Variants in SLX4IP observed in about 807,000 individuals in gnomAD.
SLX4IP encodes protein SLX4IP.
SLX4IP carries 34 observed loss-of-function variants against 32.9 expected under a neutral mutation model. The ratio of observed to expected loss-of-function variants is 1.03; its 90% CI spans 0.79 to 1.38. The LOEUF (loss-of-function observed/expected upper bound fraction) is 1.38. Ranked by LOEUF, SLX4IP falls within the 40% of genes most tolerant of loss-of-function variation. The probability of loss-of-function intolerance (pLI) is 0.00; values close to 1 mark genes in which losing one functional copy is unlikely to be tolerated. For missense variants in SLX4IP, 444 were observed against 479.0 expected, an observed-to-expected ratio of 0.93 and a Z score of 0.68; for synonymous variants, 172 against 171.7, an observed-to-expected ratio of 1.00 and a Z score of -0.01.
chr20:10,474,967 A>C (rs932881576), intron 2 of SLX4IP, among the ~76,000 whole-genome samples: 2 of 152,210 alleles, frequency 1.3e-5, no homozygotes, highest in African/African-American at 4.8e-5. Flanking sequence ...CCTGGTCCTC[A>C]GACTTGAGTA....
chr20:10,458,097 A>C (rs1233888503), intron 1 of SLX4IP, 79 bp from the exon 2 acceptor site: 1 of 843,690 alleles, frequency 1.2e-6, no homozygotes, highest in Non-Finnish European at 1.8e-6. Flanking sequence ...TTTACTATTC[A>C]GCCCATCTTT....
chr20:10,462,281 G>A (rs1278638684), intron 2 of SLX4IP, among the ~76,000 whole-genome samples: 1 of 152,142 alleles, frequency 6.6e-6, no homozygotes, highest in African/African-American at 2.4e-5. Context: ...AAGAAATAAT[G>A]CAATACAATT....
intron 3 of SLX4IP, among the ~76,000 whole-genome samples, chr20:10,557,187 T>C (rs1279124912): frequency 1.3e-5 from 2 of 152,208 alleles, no homozygotes. Context: ...AAGAAACTAT[T>C]GACAGTGGTG....
intron 1 of SLX4IP, among the ~76,000 whole-genome samples, chr20:10,444,402 G>C (rs1488871892): frequency 1.3e-5 from 2 of 151,932 alleles, no homozygotes; most frequent in Non-Finnish European, 2.9e-5. Context: ...TTTTGAGCTG[G>C]AGTCTCGCTC....
At chr20:10,540,095 CT>C (rs376897837) in intron 2 of SLX4IP, among the ~76,000 whole-genome samples, 17,101 of 75,374 alleles carry the variant, frequency 0.23, 1,183 homozygotes, top group South Asian at 0.45. Context: ...TCCTTCCTTC[CT>C]TTCCTTCCTT....
At chr20:10,437,149 A>G (rs555335826) in intron 1 of SLX4IP, among the ~76,000 whole-genome samples, 118 of 152,034 alleles carry the variant, frequency 7.8e-4, no homozygotes, top group African/African-American at 2.7e-3. Context: ...TTTTTGAGAC[A>G]GGGTATAACC....
chr20:10,575,485 G>T lies in SLX4IP; in HGVS notation c.238+14665G>T, dbSNP rs547692067. 4.6e-5 allele frequency among the ~76,000 whole-genome samples: 7 copies of T among 152,226 alleles called. No individual in the cohort carries two copies. In the South Asian group the frequency reaches 1.5e-3, roughly 32 times the overall value. Reference sequence around the variant, plus strand: ...TTGACACATTCCAGGTGAAGTCTTAGAAGGCAGCAACTTCTCCTGTGTTTG... The same window carrying T: ...TTGACACATTCCAGGTGAAGTCTTATAAGGCAGCAACTTCTCCTGTGTTTG... On this transcript the variant is annotated intron_variant, in intron 4 of 7. Transcript: ENST00000334534.
chr20:10,444,442 A>G (rs558583214), intron 1 of SLX4IP, among the ~76,000 whole-genome samples: 2 of 151,884 alleles, frequency 1.3e-5, no homozygotes, highest in Non-Finnish European at 2.9e-5. Context: ...CAGTGGCACA[A>G]TCTCAGCTCA....
intron 1 of SLX4IP, among the ~76,000 whole-genome samples, chr20:10,451,738 G>A (rs1278510996): frequency 6.6e-6 from 1 of 152,098 alleles, no homozygotes; most frequent in Non-Finnish European, 1.5e-5. Flanking sequence ...GGAGGCCGAG[G>A]CGGGTGAATC....
In SLX4IP at chr20:10,591,842, A is replaced by C. The variant is rs1600136847; in HGVS notation, c.239-6833A>C. ...AAGAAATCTGAAGTGATCATTTCTC[A>C]ATTTGTTTTATTCTAATTTTTGTCT... On this transcript the variant is annotated intron_variant, in intron 4 of 7. Coordinates refer to ENST00000334534, the MANE Select transcript of SLX4IP (RefSeq NM_001009608.3). Among the ~76,000 whole-genome samples the C allele has an allele frequency of 3.3e-5, 5 of 152,290 alleles. No homozygotes were observed. The South Asian group carries it at 1.0e-3, about 32-fold the overall frequency.
rs2066268263 is a variant in SLX4IP, at chr20:10,556,449, GTATTCCC to G, written c.117+130_117+136del. 6 of 934,246 alleles carry G rather than the reference GTATTCCC, an allele frequency of 6.4e-6. No individual in the cohort carries two copies. In the South Asian group the frequency reaches 9.3e-5, roughly 14 times the overall value. 57.9% of individuals were successfully genotyped at this position (934,246 alleles called of 1,614,324 possible). Reference sequence around the variant, plus strand: ...CGTATTTAATCCTTGAAAAACAATTGTATTCCCAATGACAGACACATATGCACCCACT... The same window carrying G: ...CGTATTTAATCCTTGAAAAACAATTGAATGACAGACACATATGCACCCACT... On this transcript the variant is annotated intron_variant, in intron 3 of 7. Transcript: ENST00000334534.
chr20:10,594,228 GATA>G (rs1489086712), intron 4 of SLX4IP, among the ~76,000 whole-genome samples: 1 of 152,238 alleles, frequency 6.6e-6, no homozygotes, highest in Non-Finnish European at 1.5e-5. Flanking sequence ...TGTGAGTGAT[GATA>G]ATAATGGAGT....
intron 2 of SLX4IP, among the ~76,000 whole-genome samples, chr20:10,546,563 T>C (rs2122485247): frequency 6.6e-6 from 1 of 152,298 alleles, no homozygotes; most frequent in Non-Finnish European, 1.5e-5. Flanking sequence ...AAGCAGCCAA[T>C]ATTTCTTCCT....
At chr20:10,449,822 A>G (rs1411271333) in intron 1 of SLX4IP, among the ~76,000 whole-genome samples, 1 of 152,210 alleles carries the variant, frequency 6.6e-6, no homozygotes, top group Admixed American at 6.5e-5. Flanking sequence ...ATTATTTTAT[A>G]TAAAAAATAC....
intron 4 of SLX4IP, 25 bp downstream of exon 4, chr20:10,560,845 G>A: frequency 6.5e-7 from 1 of 1,539,148 alleles, no homozygotes; most frequent in Non-Finnish European, 8.7e-7. Flanking sequence ...CTTTGATTTT[G>A]GACAAAAAAT....
At chr20:10,554,855 AT>A (rs1364092909) in intron 2 of SLX4IP, among the ~76,000 whole-genome samples, 9 of 151,976 alleles carry the variant, frequency 5.9e-5, no homozygotes, top group African/African-American at 2.2e-4. Context: ...AGATACATGT[AT>A]TTTTGAATAC....
intron 4 of SLX4IP, among the ~76,000 whole-genome samples, chr20:10,580,238 A>T (rs1476074249): frequency 6.6e-6 from 1 of 151,696 alleles, no homozygotes; most frequent in Non-Finnish European, 1.5e-5. Flanking sequence ...TCCTTTGTTC[A>T]CCCTTCCAGG....
At chr20:10,611,310 G>C (rs530092862) in intron 6 of SLX4IP, among the ~76,000 whole-genome samples, 2 of 152,240 alleles carry the variant, frequency 1.3e-5, no homozygotes, top group South Asian at 4.1e-4. Context: ...TCATTTTCAC[G>C]AGACAGCAAG....
At chr20:10,493,913 G>T (rs2065646670) in intron 2 of SLX4IP, among the ~76,000 whole-genome samples, 2 of 127,408 alleles carry the variant, frequency 1.6e-5, no homozygotes, top group African/African-American at 6.0e-5. Context: ...ACCCAGACTG[G>T]TCTCAAACCT....
Sources: gnomAD v4.1 joint callset for allele counts (sites outside exome capture counted in the v4.1 genomes callset) on GRCh38, gnomAD v4.1.1 for gene constraint, MANE v1.5 for transcripts, NCBI Gene and HGNC (gene_info 2026-07-23, HGNC 2026-07-21) for gene names.